Variants in KCNN1 observed in about 807,000 individuals in gnomAD.
The protein encoded by KCNN1 is potassium calcium-activated channel subfamily N member 1, also known as small conductance calcium-activated potassium channel protein 1.
A neutral mutation model predicts 44.7 loss-of-function variants in KCNN1; 20 were observed. That is an observed-to-expected ratio of 0.45 (90% confidence interval 0.32 to 0.65). KCNN1 has a LOEUF of 0.65. Ranked by LOEUF, KCNN1 falls within the 30% of genes least tolerant of loss-of-function variation. The probability of loss-of-function intolerance (pLI) is 0.05; values close to 1 mark genes in which losing one functional copy is unlikely to be tolerated. For synonymous variants in KCNN1, 324 were observed against 341.7 expected, an observed-to-expected ratio of 0.95 and a Z score of 0.57; for missense variants, 632 against 785.3, an observed-to-expected ratio of 0.80 and a Z score of 2.33.
In KCNN1 at chr19:17,998,656, A is replaced by G; in HGVS notation, c.*250A>G. The G allele has an allele frequency of 8.9e-6, 4 of 448,152 alleles. No homozygotes were observed. The highest frequency in any genetic ancestry group is 7.8e-6 in the Non-Finnish European group (2 of 255,412). The allele number at this position is 448,152 out of a possible 1,614,324, so 27.8% of individuals were successfully genotyped here. A position where few individuals can be genotyped will look rare whatever the true frequency, so the allele number is the denominator to read the frequency against. ...CTCCCCAGGCCCCCGGTGGGCATGG[A>G]GCAGCCCGGGGAGGGGTCCGTGCTG... is the stretch of plus-strand genomic sequence containing the variant. On this transcript the variant is annotated 3_prime_UTR_variant, in exon 10 of 10. Transcript: ENST00000684775. The surrounding 1 kb of genome is among the most constrained non-coding windows in gnomAD (Gnocchi z 5.4).
intron 3 of KCNN1, 50 bp downstream of exon 3, chr19:17,975,237 C>G: frequency 3.0e-6 from 4 of 1,345,886 alleles, no homozygotes; most frequent in Non-Finnish European, 4.3e-6. Context: ...AACCCCAGAT[C>G]CCCCCACACC....
chr19:17,998,670 G>T lies in KCNN1; in HGVS notation c.*264G>T. ...GGTGGGCATGGAGCAGCCCGGGGAG[G>T]GGTCCGTGCTGGTTCTGAATAAAGC... On this transcript the variant is annotated 3_prime_UTR_variant, in exon 10 of 10. Transcript: ENST00000684775. This position sits in a 1 kb window ranked among gnomAD's most constrained non-coding sequence, Gnocchi z 5.4. 2 of 422,008 alleles carry T rather than the reference G, an allele frequency of 4.7e-6. No individual in the cohort carries two copies. Among genetic ancestry groups the T allele is most frequent in the Non-Finnish European group, 8.4e-6 (2 of 238,648 alleles). The allele number at this position is 422,008 out of a possible 1,614,324, so 26.1% of individuals were successfully genotyped here.
intron 2 of KCNN1, among the ~76,000 whole-genome samples, chr19:17,955,968 CG>C (rs1441021762): frequency 6.6e-6 from 1 of 151,830 alleles, no homozygotes; most frequent in Non-Finnish European, 1.5e-5. Flanking sequence ...CTGACTCTGT[CG>C]CCCAGGCTGG....
chr19:17,980,941 G>C (rs1376038875), intron 3 of KCNN1, among the ~76,000 whole-genome samples: 2 of 152,066 alleles, frequency 1.3e-5, no homozygotes, highest in Non-Finnish European at 2.9e-5. Context: ...TCCTCGCCAG[G>C]CACAGTGGCT....
chr19:17,977,397 C>T (rs1450795310), intron 3 of KCNN1, among the ~76,000 whole-genome samples: 3 of 151,880 alleles, frequency 2.0e-5, no homozygotes, highest in South Asian at 2.1e-4. Context: ...ACTGGAATGC[C>T]GTGGCTTGAT....
At chr19:17,967,788 T>C (rs545300764) in intron 1 of KCNN1, among the ~76,000 whole-genome samples, 9 of 152,058 alleles carry the variant, frequency 5.9e-5, no homozygotes, top group Admixed American at 1.3e-4. Context: ...CTGCCCCTGC[T>C]GTTCTGGAGG....
intron 2 of KCNN1, among the ~76,000 whole-genome samples, chr19:17,959,939 C>T (rs774952707): frequency 6.6e-6 from 1 of 151,500 alleles, no homozygotes; most frequent in Non-Finnish European, 1.5e-5. Context: ...AAAAATTAGC[C>T]GAGCGTGATG....
intron 6 of KCNN1, among the ~76,000 whole-genome samples, chr19:17,989,324 C>T (rs184922660): frequency 3.3e-5 from 5 of 152,044 alleles, no homozygotes; most frequent in Non-Finnish European, 7.4e-5. Flanking sequence ...TGAGCGTGAT[C>T]GCAGGCGCCT....
chr19:17,982,168 C>T, intron 4 of KCNN1, 41 bp downstream of exon 4: 2 of 1,443,962 alleles, frequency 1.4e-6, no homozygotes, highest in Non-Finnish European at 1.8e-6. Context: ...CCCCCAGCCC[C>T]CGTCTCCCTG....
At position 17,967,198 on chromosome 19, in the gene KCNN1, C is replaced by A; in HGVS notation, c.-201C>A. 2 of 963,814 alleles carry A rather than the reference C, an allele frequency of 2.1e-6. No homozygotes were observed. Among genetic ancestry groups the A allele is most frequent in the Non-Finnish European group, 2.5e-6 (2 of 812,034 alleles). The allele number at this position is 963,814 out of a possible 1,614,324, so 59.7% of individuals were successfully genotyped here. The stretch of plus-strand genomic sequence containing the variant: ...GGCCCCGCCGCCCCCGGGCCCCGCG[C>A]CCGCTCGCTGCTGCCCGCCCCGTCC... On this transcript the variant is annotated 5_prime_UTR_variant, in exon 1 of 10. Transcript: ENST00000684775.
At chr19:17,962,842 G>A (rs2031712996), upstream of KCNN1, among the ~76,000 whole-genome samples, 1 of 151,736 alleles carries the variant, frequency 6.6e-6, no homozygotes, top group Non-Finnish European at 1.5e-5. Flanking sequence ...GAGTAGGTGG[G>A]ATTACAGCGC....
chr19:17,979,618 G>A (rs2032330376), intron 3 of KCNN1, among the ~76,000 whole-genome samples: 1 of 151,786 alleles, frequency 6.6e-6, no homozygotes, highest in Non-Finnish European at 1.5e-5. Flanking sequence ...GTAACTGACA[G>A]ATGTTATGTA....
chr19:17,956,721 G>C (rs2031551616), intron 2 of KCNN1, among the ~76,000 whole-genome samples: 1 of 151,960 alleles, frequency 6.6e-6, no homozygotes, highest in African/African-American at 2.4e-5. Flanking sequence ...ACTGTAGTCT[G>C]GGTGACAGTG....
upstream of KCNN1, among the ~76,000 whole-genome samples, chr19:17,965,433 G>A (rs1445058741): frequency 6.6e-6 from 1 of 152,130 alleles, no homozygotes; most frequent in Admixed American, 6.5e-5. Context: ...GTTCAGGGAT[G>A]TGCCCAATCC....
At chr19:17,975,282 A>C in intron 3 of KCNN1, 95 bp downstream of exon 3, 2 of 800,266 alleles carry the variant, frequency 2.5e-6, no homozygotes, top group Non-Finnish European at 4.2e-6. Context: ...CAAAACATAA[A>C]AGGATGTATA....
At chr19:17,951,705 C>G (rs1174913743) in intron 1 of KCNN1, among the ~76,000 whole-genome samples, 1 of 152,204 alleles carries the variant, frequency 6.6e-6, no homozygotes, top group Non-Finnish European at 1.5e-5. Flanking sequence ...CAGGCTCCCC[C>G]TTCCTAGCTG....
chr19:17,988,154 C>CAAAAAAA (rs59928660), intron 5 of KCNN1, among the ~76,000 whole-genome samples: 13 of 53,528 alleles, frequency 2.4e-4, no homozygotes, highest in South Asian at 1.4e-3. Context: ...GACTCCATCT[C>CAAAAAAA]AAAAAAAAAA....
intron 1 of KCNN1, among the ~76,000 whole-genome samples, chr19:17,970,559 C>T (rs1296990358): frequency 1.3e-5 from 2 of 151,602 alleles, no homozygotes; most frequent in African/African-American, 4.8e-5. Flanking sequence ...TCAGGTGATC[C>T]ACCCACCTTG....
At position 18,000,010 on chromosome 19, in the gene KCNN1, A is replaced by G; in HGVS notation, c.*1604A>G. Reference sequence around the variant, plus strand: ...AAATGGGGTGACAGTCTATTTAACCAGAACTCCCTAAAAAGGGCCAGGCAA... The same window carrying G: ...AAATGGGGTGACAGTCTATTTAACCGGAACTCCCTAAAAAGGGCCAGGCAA... On this transcript the variant is annotated 3_prime_UTR_variant, in exon 10 of 10. Transcript: ENST00000684775. 1 of 456,026 alleles carries G rather than the reference A, an allele frequency of 2.2e-6. No individual in the cohort carries two copies. Among genetic ancestry groups the G allele is most frequent in the Non-Finnish European group, 4.4e-6 (1 of 226,774 alleles). 28.2% of individuals were successfully genotyped at this position (456,026 alleles called of 1,614,324 possible).
Sources: allele counts gnomAD v4.1 joint callset (sites outside exome capture counted in the v4.1 genomes callset), GRCh38; gene constraint gnomAD v4.1.1; non-coding constraint Gnocchi (gnomAD v3.1); transcripts MANE v1.5; gene names NCBI Gene and HGNC (gene_info 2026-07-23, HGNC 2026-07-21).